THSD7B: variants seen among roughly 807,000 people sequenced by gnomAD.
THSD7B encodes the protein thrombospondin type-1 domain-containing protein 7B.
In THSD7B, 138 loss-of-function variants were observed where a neutral mutation model predicts 213.6. The ratio of observed to expected loss-of-function variants is 0.65; its 90% confidence interval spans 0.56 to 0.74. THSD7B has a LOEUF of 0.74. THSD7B is among the 30% of genes least tolerant of loss of function. The pLI is 0.00. For synonymous variants in THSD7B, 742 were observed against 687.0 expected (o/e 1.08, Z -1.25); for missense variants, 1,931 against 1,991.5 (o/e 0.97, Z 0.58).
In THSD7B at chr2:137,160,206, C is replaced by G; in HGVS notation, c.1370-7C>G. 6.2e-7 allele frequency: 1 copy of G among 1,606,526 alleles called. No homozygotes were observed. The highest frequency in any genetic ancestry group is 2.2e-5 in the East Asian group (1 of 44,740). ...GTGACATGGTCCGTTATCTTTTTGTCCCTCAGTCTCTAGACCTGTGGAAAA... is the reference window on the plus strand; with the variant it reads ...GTGACATGGTCCGTTATCTTTTTGTGCCTCAGTCTCTAGACCTGTGGAAAA... On this transcript the variant is annotated splice_region_variant and splice_polypyrimidine_tract_variant and intron_variant, in intron 5 of 27. Coordinates refer to ENST00000409968, the MANE Select transcript of THSD7B (RefSeq NM_001316349.2).
At chr2:137,247,588 G>A (rs1372956860) in intron 10 of THSD7B, among the ~76,000 whole-genome samples, 1 of 152,148 alleles carries the variant, frequency 6.6e-6, no homozygotes, top group East Asian at 1.9e-4. Flanking sequence ...TCAAATAATT[G>A]GAGGCTGAAG....
At chr2:137,354,091 A>C (rs1330334633) in intron 12 of THSD7B, among the ~76,000 whole-genome samples, 1 of 151,976 alleles carries the variant, frequency 6.6e-6, no homozygotes, top group Admixed American at 6.6e-5. Context: ...CCTCTGCTTG[A>C]AATGATAACT....
At position 137,181,647 on chromosome 2, in the gene THSD7B, C is replaced by T. The variant is rs57574452; in HGVS notation, c.1723+10709C>T. 5.6e-3 allele frequency among the ~76,000 whole-genome samples: 858 copies of T among 152,236 alleles called. 9 individuals are homozygous for T. Among genetic ancestry groups the T allele is most frequent in the African/African-American group, 0.02 (825 of 41,538 alleles). On this transcript the variant is annotated intron_variant, in intron 7 of 27. Transcript: ENST00000409968. ...CTCAGTATCCTGCAAGTGAAGGTAG[C>T]TCTGTGGACCATCTGCTGCCACTTT... is the stretch of plus-strand genomic sequence containing the variant.
rs558145718 is a variant in THSD7B, at chr2:137,030,012, G to A, written c.140-26408G>A. On this transcript the variant is annotated intron_variant, in intron 2 of 27. Coordinates refer to ENST00000409968, the MANE Select transcript of THSD7B (RefSeq NM_001316349.2). ...CTGTGCTACACTACATGGGGTACAC[G>A]CTGTTATATGAGAAGCAGCTCCTGC... Among the ~76,000 whole-genome samples the A allele has an allele frequency of 3.9e-5, 6 of 152,252 alleles. No homozygotes were observed. The East Asian group carries it at 7.7e-4, about 20-fold the overall frequency.
At chr2:137,022,564 T>C (rs1396493998) in intron 2 of THSD7B, among the ~76,000 whole-genome samples, 1 of 151,996 alleles carries the variant, frequency 6.6e-6, no homozygotes, top group Admixed American at 6.6e-5. Flanking sequence ...TTTATATGAA[T>C]AACACATTGG....
chr2:137,174,630 A>G (rs981047000), intron 7 of THSD7B, among the ~76,000 whole-genome samples: 1 of 152,148 alleles, frequency 6.6e-6, no homozygotes, highest in Non-Finnish European at 1.5e-5. Flanking sequence ...TTTCTCCCTC[A>G]AGCCTGTAAT....
At chr2:137,361,266 G>A (rs970897722) in intron 12 of THSD7B, among the ~76,000 whole-genome samples, 1 of 152,154 alleles carries the variant, frequency 6.6e-6, no homozygotes, top group African/African-American at 2.4e-5. Context: ...AAACCACAAA[G>A]ATGGCGAGGA....
chr2:137,478,336 C>T (rs1430504156), intron 15 of THSD7B, among the ~76,000 whole-genome samples: 1 of 152,030 alleles, frequency 6.6e-6, no homozygotes, highest in East Asian at 1.9e-4. Context: ...ATTCTTTTGT[C>T]TGATTGATTG....
At chr2:136,872,019 G>T (rs1279665907) in intron 1 of THSD7B, among the ~76,000 whole-genome samples, 3 of 151,740 alleles carry the variant, frequency 2.0e-5, no homozygotes, top group Non-Finnish European at 4.4e-5. Flanking sequence ...CGTTCAGCAG[G>T]ATGTTAGAGG....
At chr2:137,330,281 A>G (rs1401223198) in intron 12 of THSD7B, among the ~76,000 whole-genome samples, 2 of 152,168 alleles carry the variant, frequency 1.3e-5, no homozygotes, top group Non-Finnish European at 2.9e-5. Flanking sequence ...GGCACTGCCA[A>G]GTGCAGCTGT....
chr2:137,291,323 G>A (rs1036842285), intron 12 of THSD7B, among the ~76,000 whole-genome samples: 1 of 151,870 alleles, frequency 6.6e-6, no homozygotes, highest in Admixed American at 6.6e-5. Flanking sequence ...TTATGTTTAG[G>A]AATTATACCT....
At chr2:136,807,759 G>T (rs1682310478) in intron 1 of THSD7B, among the ~76,000 whole-genome samples, 1 of 152,066 alleles carries the variant, frequency 6.6e-6, no homozygotes. Context: ...ACCCGCCTCG[G>T]CCTCTCAAAG....
chr2:136,983,923 A>G (rs972173429), intron 2 of THSD7B, among the ~76,000 whole-genome samples: 15 of 152,218 alleles, frequency 9.9e-5, no homozygotes, highest in Admixed American at 6.5e-5. Context: ...TCAATCAATG[A>G]CAGTAAAGAT....
intron 1 of THSD7B, among the ~76,000 whole-genome samples, chr2:136,822,218 A>G (rs537879325): frequency 6.9e-4 from 105 of 152,320 alleles, no homozygotes; most frequent in African/African-American, 2.5e-3. Context: ...GCTCAGAGTT[A>G]TAGGGACTAT....
chr2:137,097,711 C>T (rs1688064887), intron 4 of THSD7B, among the ~76,000 whole-genome samples: 1 of 151,080 alleles, frequency 6.6e-6, no homozygotes, highest in Non-Finnish European at 1.5e-5. Flanking sequence ...GGCTGACAGA[C>T]TTCACTGGTG....
At chr2:136,871,201 C>G (rs1683426169) in intron 1 of THSD7B, among the ~76,000 whole-genome samples, 1 of 152,110 alleles carries the variant, frequency 6.6e-6, no homozygotes, top group African/African-American at 2.4e-5. Flanking sequence ...TGTGCCCATC[C>G]AAATGCAGAT....
At chr2:137,371,722 A>T (rs538453482) in intron 12 of THSD7B, among the ~76,000 whole-genome samples, 14 of 152,182 alleles carry the variant, frequency 9.2e-5, no homozygotes, top group African/African-American at 3.4e-4. Context: ...TCTATGTCTG[A>T]AAGATTTCTT....
rs1681634045 is a variant in THSD7B, at chr2:137,231,243, A to G, written c.1915+8A>G. Reference sequence around the variant, plus strand: ...TGGCACTGGCTGGGGAAGGTGAGTAACAGAAAAGGTTTTCACTTTGGATTC... The same window carrying G: ...TGGCACTGGCTGGGGAAGGTGAGTAGCAGAAAAGGTTTTCACTTTGGATTC... On this transcript the variant is annotated splice_region_variant and intron_variant, in intron 8 of 27. Coordinates refer to ENST00000409968, the MANE Select transcript of THSD7B (RefSeq NM_001316349.2). 1 of 1,596,096 alleles carries G rather than the reference A, an allele frequency of 6.3e-7. No homozygotes were observed. Among genetic ancestry groups the G allele is most frequent in the Non-Finnish European group, 8.5e-7 (1 of 1,170,188 alleles).
chr2:137,372,848 T>TC (rs1685561518), intron 12 of THSD7B, among the ~76,000 whole-genome samples: 1 of 94,810 alleles, frequency 1.1e-5, no homozygotes, highest in East Asian at 3.6e-4. Context: ...CCCTTCCCCC[T>TC]CCCCCCACCC....
Sources: gnomAD v4.1 joint callset for allele counts (sites outside exome capture counted in the v4.1 genomes callset) on GRCh38, gnomAD v4.1.1 for gene constraint, MANE v1.5 for transcripts, NCBI Gene and HGNC (gene_info 2026-07-23, HGNC 2026-07-21) for gene names.